The following FERMT2 variants were observed in gnomAD, a reference collection of about 807,000 sequenced individuals.
The protein encoded by FERMT2 is FERM domain containing kindlin 2, also known as fermitin family homolog 2.
Under a neutral mutation model 82.7 loss-of-function variants are expected in FERMT2, and 15 were observed. That is an observed-to-expected ratio of 0.18 (90% CI 0.12 to 0.28). The LOEUF is 0.28. Ranked by LOEUF, FERMT2 falls within the 10% of genes least tolerant of loss-of-function variation. FERMT2 has a pLI of 1.00. For missense variants in FERMT2, 645 were observed against 809.4 expected (o/e 0.80, Z 2.46); for synonymous variants, 274 against 271.5 (o/e 1.01, Z -0.09).
chr14:52,877,049 G>A (rs1304179874), intron 7 of FERMT2, among the ~76,000 whole-genome samples: 5 of 152,124 alleles, frequency 3.3e-5, no homozygotes, highest in Admixed American at 1.3e-4. Flanking sequence ...AGATACACTC[G>A]GGGAGGTGGG....
intron 4 of FERMT2, among the ~76,000 whole-genome samples, chr14:52,891,440 T>G (rs1264306784): frequency 6.6e-6 from 1 of 152,220 alleles, no homozygotes; most frequent in Non-Finnish European, 1.5e-5. Flanking sequence ...CTTTGTATCT[T>G]TCAAAATGCA....
At chr14:52,881,833 A>C in intron 4 of FERMT2, 1 of 1,278,534 alleles carries the variant, frequency 7.8e-7, no homozygotes, top group African/African-American at 1.5e-5. Context: ...CAGTGCCTAT[A>C]GGAAAGGAAA....
intron 3 of FERMT2, among the ~76,000 whole-genome samples, chr14:52,902,874 A>AAAAAAAAAAAAAACAAAC (rs1887742608): frequency 7.4e-6 from 1 of 135,870 alleles, no homozygotes; most frequent in African/African-American, 2.7e-5. Context: ...GTCTCAAAAA[A>AAAAAAAAAAAAAACAAAC]AAAAAAAAAA....
chr14:52,909,448 T>G (rs769907034), intron 3 of FERMT2, among the ~76,000 whole-genome samples: 1 of 152,170 alleles, frequency 6.6e-6, no homozygotes, highest in African/African-American at 2.4e-5. Flanking sequence ...CTCAAGTAAC[T>G]TCTTATGTGA....
At chr14:52,896,072 ATAAAG>A (rs1357918299) in intron 3 of FERMT2, among the ~76,000 whole-genome samples, 7 of 152,250 alleles carry the variant, frequency 4.6e-5, no homozygotes, top group African/African-American at 1.7e-4. Flanking sequence ...TATTTAAAAA[ATAAAG>A]TAATCGCACT....
At chr14:52,860,807 T>C (rs1884882767) in intron 12 of FERMT2, 1 of 603,060 alleles carries the variant, frequency 1.7e-6, no homozygotes, top group Non-Finnish European at 2.9e-6. Flanking sequence ...TAATTAAATT[T>C]AGCACTATGT....
chr14:52,860,531 A>G (rs1884862708), intron 12 of FERMT2, 66 bp from the exon 13 acceptor site: 2 of 1,442,096 alleles, frequency 1.4e-6, no homozygotes, highest in African/African-American at 1.4e-5. Flanking sequence ...CTGAGACAAA[A>G]GATCAAAAGA....
intron 2 of FERMT2, among the ~76,000 whole-genome samples, chr14:52,925,851 C>T (rs1889235372): frequency 6.6e-6 from 1 of 152,112 alleles, no homozygotes; most frequent in Admixed American, 6.6e-5. Context: ...ACTCTGTTGG[C>T]CAGGCTGGTC....
chr14:52,910,882 C>T (rs911666704), intron 3 of FERMT2, among the ~76,000 whole-genome samples: 1 of 151,996 alleles, frequency 6.6e-6, no homozygotes, highest in South Asian at 2.1e-4. Flanking sequence ...ACTGCTCGTA[C>T]AGTAAGTAAG....
At chr14:52,901,105 C>CAAAAAAAAA (rs71125146) in intron 3 of FERMT2, among the ~76,000 whole-genome samples, 1 of 68,620 alleles carries the variant, frequency 1.5e-5, no homozygotes, top group Non-Finnish European at 2.6e-5. Context: ...ACTAAAAATA[C>CAAAAAAAAA]AAAAAAAAAA....
intron 2 of FERMT2, among the ~76,000 whole-genome samples, chr14:52,943,531 G>C (rs1890190756): frequency 6.6e-6 from 1 of 152,174 alleles, no homozygotes; most frequent in Non-Finnish European, 1.5e-5. Context: ...GGCAAATTTT[G>C]AAAATGGATG....
chr14:52,871,288 G>A (rs1020867984), intron 10 of FERMT2, among the ~76,000 whole-genome samples: 1 of 152,058 alleles, frequency 6.6e-6, no homozygotes, highest in Non-Finnish European at 1.5e-5. Context: ...CTCTTCTAAG[G>A]GAAGATACAG....
intron 12 of FERMT2, chr14:52,861,182 G>C: frequency 1.6e-6 from 1 of 613,906 alleles, no homozygotes; most frequent in Non-Finnish European, 2.8e-6. Context: ...ACTTTAGGTA[G>C]AAACCAAGCA....
chr14:52,898,285 G>GT (rs893689227), intron 3 of FERMT2, among the ~76,000 whole-genome samples: 1 of 151,892 alleles, frequency 6.6e-6, no homozygotes, highest in Non-Finnish European at 1.5e-5. Flanking sequence ...GGCATATCTG[G>GT]TTTTTTTAAA....
chr14:52,878,501 A>T, intron 7 of FERMT2, 81 bp downstream of exon 7: 1 of 850,832 alleles, frequency 1.2e-6, no homozygotes, highest in Non-Finnish European at 1.9e-6. Context: ...TGTTACTGGA[A>T]TTACTATTCC....
chr14:52,931,809 C>G (rs1297985008), intron 2 of FERMT2, among the ~76,000 whole-genome samples: 1 of 152,196 alleles, frequency 6.6e-6, no homozygotes, highest in African/African-American at 2.4e-5. Context: ...ACAGGCGGAT[C>G]ACCAGGTCAG....
chr14:52,857,976 A>G lies in FERMT2; in HGVS notation c.*401T>C, dbSNP rs1048119177. On this transcript the variant is annotated 3_prime_UTR_variant, in exon 15 of 15. Transcript: ENST00000341590. ...CAGAAGTAGGATATTTTAAAACATG[A>G]TATCAAATTAAACATACATTAAATC... 2 of 156,578 alleles carry G rather than the reference A, an allele frequency of 1.3e-5. No homozygotes were observed. The highest frequency in any genetic ancestry group is 2.8e-5 in the Non-Finnish European group (2 of 70,610). 9.7% of individuals were successfully genotyped at this position (156,578 alleles called of 1,614,324 possible). A position where few individuals can be genotyped will look rare whatever the true frequency, so the allele number is the denominator to read the frequency against.
At chr14:52,925,664 A>AAT (rs1889226547) in intron 2 of FERMT2, among the ~76,000 whole-genome samples, 2 of 150,742 alleles carry the variant, frequency 1.3e-5, no homozygotes, top group South Asian at 4.2e-4. Flanking sequence ...TTTGAGATGG[A>AAT]GTCTTGCTCT....
chr14:52,861,694 TAAATC>T (rs1884948982), intron 12 of FERMT2: 1 of 152,602 alleles, frequency 6.6e-6, no homozygotes, highest in Non-Finnish European at 1.5e-5. Flanking sequence ...TAGATTAACA[TAAATC>T]AACATATAGA....
Sources: allele counts gnomAD v4.1 joint callset (sites outside exome capture counted in the v4.1 genomes callset), GRCh38; gene constraint gnomAD v4.1.1; transcripts MANE v1.5; gene names NCBI Gene and HGNC (gene_info 2026-07-23, HGNC 2026-07-21).